The following IDE variants were observed in gnomAD, a reference collection of about 807,000 sequenced individuals.
IDE encodes the protein insulin-degrading enzyme.
Under a neutral mutation model 133.2 loss-of-function variants are expected in IDE, and 58 were observed. The ratio of observed to expected loss-of-function variants is 0.44; its 90% CI spans 0.35 to 0.54. IDE has a LOEUF of 0.54. IDE is among the 20% of genes least tolerant of loss of function. The pLI is 0.00. For synonymous variants in IDE, 396 were observed against 421.3 expected, an observed-to-expected ratio of 0.94 and a Z score of 0.73; for missense variants, 981 against 1,234.0, an observed-to-expected ratio of 0.79 and a Z score of 3.07.
chr10:92,497,242 G>C (rs1847757497), intron 11 of IDE, among the ~76,000 whole-genome samples: 1 of 152,186 alleles, frequency 6.6e-6, no homozygotes, highest in Admixed American at 6.5e-5. Flanking sequence ...GGGGAGGTGG[G>C]TGACAATGAT....
intron 12 of IDE, among the ~76,000 whole-genome samples, chr10:92,490,025 T>A (rs1178854601): frequency 6.6e-6 from 1 of 152,222 alleles, no homozygotes. Context: ...CTGAAAATCA[T>A]AATTCTCCTA....
chr10:92,540,829 T>C (rs1436307732), intron 1 of IDE, among the ~76,000 whole-genome samples: 1 of 152,204 alleles, frequency 6.6e-6, no homozygotes, highest in Admixed American at 6.5e-5. Context: ...TGTACTTTTT[T>C]TCAGGGTTTC....
chr10:92,486,986 A>G (rs1361052309), intron 13 of IDE, among the ~76,000 whole-genome samples: 1 of 152,056 alleles, frequency 6.6e-6, no homozygotes, highest in East Asian at 1.9e-4. Context: ...GATTCCCTAG[A>G]TTCTACACTG....
At chr10:92,505,667 T>C (rs1170655595) in intron 10 of IDE, among the ~76,000 whole-genome samples, 1 of 152,094 alleles carries the variant, frequency 6.6e-6, no homozygotes. Flanking sequence ...TTATTTTAGA[T>C]TGGGAGGTCA....
At chr10:92,533,411 C>G (rs1177536585) in intron 3 of IDE, among the ~76,000 whole-genome samples, 1 of 152,128 alleles carries the variant, frequency 6.6e-6, no homozygotes, top group Non-Finnish European at 1.5e-5. Flanking sequence ...CCCAGCACAT[C>G]TCATAAACCC....
intron 3 of IDE, among the ~76,000 whole-genome samples, chr10:92,532,731 T>C (rs1313775269): frequency 6.6e-6 from 1 of 152,138 alleles, no homozygotes; most frequent in Non-Finnish European, 1.5e-5. Flanking sequence ...TAGTAATTCT[T>C]AAGAAACTTT....
rs1348973532 is a variant in IDE at position 92,454,360 on chromosome 10, T to C, written c.*84A>G. 1.1e-6 allele frequency: 1 copy of C among 919,616 alleles called. No individual in the cohort carries two copies. The highest frequency in any genetic ancestry group is 1.8e-6 in the Non-Finnish European group (1 of 553,690). 57.0% of individuals were successfully genotyped at this position (919,616 alleles called of 1,614,324 possible). ...GTTTCTCTAATAGTGAATCAGAAACTATTAAAGTGGCCAAGATGATTTTCT... is the reference window on the plus strand; with the variant it reads ...GTTTCTCTAATAGTGAATCAGAAACCATTAAAGTGGCCAAGATGATTTTCT... On this transcript the variant is annotated 3_prime_UTR_variant, in exon 25 of 25. Coordinates refer to ENST00000265986, the MANE Select transcript of IDE (RefSeq NM_004969.4).
intron 1 of IDE, among the ~76,000 whole-genome samples, chr10:92,561,028 G>A (rs1843255861): frequency 6.6e-6 from 1 of 152,120 alleles, no homozygotes; most frequent in Non-Finnish European, 1.5e-5. Context: ...CAAGGTGGAT[G>A]GATCACCTGA....
At position 92,506,124 on chromosome 10, in the gene IDE, A is replaced by G. The variant is rs549681233; in HGVS notation, c.1326+318T>C. On this transcript the variant is annotated intron_variant, in intron 10 of 24. Coordinates refer to ENST00000265986, the MANE Select transcript of IDE (RefSeq NM_004969.4). ...TGATGATAGCTCAGACTAGGATGGT[A>G]GCAATGGAAATTTTAAAAAAGTAAA... is the stretch of plus-strand genomic sequence containing the variant. Among the ~76,000 whole-genome samples, 4 of 152,394 alleles carry G rather than the reference A, an allele frequency of 2.6e-5. No homozygotes were observed. In the East Asian group the frequency reaches 7.7e-4, roughly 29 times the overall value.
In IDE at chr10:92,463,898, G is replaced by A. The variant is rs1346830197; in HGVS notation, c.2594C>T (p.Ala865Val). 3.7e-6 allele frequency: 6 copies of A among 1,614,154 alleles called. No homozygotes were observed. The highest frequency in any genetic ancestry group is 4.2e-6 in the Non-Finnish European group (5 of 1,180,018). The change falls in exon 21 of 25, where the codon GCT (alanine) becomes GTT (valine). Residue 865 changes from alanine to valine, a missense_variant. Ala to Val is a moderately conservative substitution (Grantham distance 64). Around this residue, in one of 2 missense-constraint regions of IDE, gnomAD observed 660 missense variants for 894.7 expected, o/e 0.74. Coordinates refer to ENST00000265986, the MANE Select transcript of IDE (RefSeq NM_004969.4). ...PPHYLESRVE[A>V]FLITMEKSIE... ...GGACTTTTCCATGGTAATTAAGAAAGCTTCCACTCTGCTTTCTAGGTAGTG... is the reference window on the plus strand; with the variant it reads ...GGACTTTTCCATGGTAATTAAGAAAACTTCCACTCTGCTTTCTAGGTAGTG...
chr10:92,514,948 G>A lies in IDE; in HGVS notation c.756C>T (p.Asn252=), dbSNP rs139739927. Residue 252 remains asparagine, a synonymous_variant, in exon 5 of 25, where the codon AAC becomes AAT. Coordinates refer to ENST00000265986, the MANE Select transcript of IDE (RefSeq NM_004969.4). ...LKFHSAYYSS[N]LMAVCVLGRE... Reference sequence around the variant, plus strand: ...GACCTAAAACACAAACAGCCATTAAGTTGGATGAATAGTAAGCAGAATGGA... The same window carrying A: ...GACCTAAAACACAAACAGCCATTAAATTGGATGAATAGTAAGCAGAATGGA... 3.8e-5 allele frequency: 61 copies of A among 1,612,780 alleles called. 1 individual carries two copies. The African/African-American group carries it at 6.1e-4, about 16-fold the overall frequency.
In IDE at chr10:92,487,271, C is replaced by T. The variant is rs963209142; in HGVS notation, c.1581G>A (p.Lys527=). ...CAAAATTCGTAGGAATAAATTCATTCTTTGTAGGAAGTTTAAATTTCCCAT... is the reference window on the plus strand; with the variant it reads ...CAAAATTCGTAGGAATAAATTCATTTTTTGTAGGAAGTTTAAATTTCCCAT... The part of the protein sequence containing the change: ...DLNGKFKLPT[K]NEFIPTNFEI... The change falls in exon 13 of 25, where the codon AAG becomes AAA. Residue 527 remains lysine, a synonymous_variant. Coordinates refer to ENST00000265986, the MANE Select transcript of IDE (RefSeq NM_004969.4). The T allele has an allele frequency of 6.2e-7, 1 of 1,612,684 alleles. No individual in the cohort carries two copies. The highest frequency in any genetic ancestry group is 2.2e-5 in the East Asian group (1 of 44,832).
At position 92,573,932 on chromosome 10, in the gene IDE, G is replaced by T; in HGVS notation, c.88C>A (p.Arg30Ser). The change falls in exon 1 of 25, where the codon CGC becomes AGC. Residue 30 changes from arginine to serine, a missense_variant. By Grantham distance (110) the Arg-to-Ser change is moderately radical. Transcript: ENST00000265986. The part of the protein sequence containing the change: ...VLGARLPPPE[R>S]LCGFQKKTYS... ...CTCCATTCCGCTTACCCACACAGGC[G>T]CTCCGGAGGCGGCAGGCGGGCGCCG... 6.8e-7 allele frequency: 1 copy of T among 1,465,834 alleles called. No individual in the cohort carries two copies. Among genetic ancestry groups the T allele is most frequent in the Non-Finnish European group, 9.0e-7 (1 of 1,114,756 alleles). 90.8% of individuals were successfully genotyped at this position (1,465,834 alleles called of 1,614,324 possible). A position where few individuals can be genotyped will look rare whatever the true frequency, so the allele number is the denominator to read the frequency against.
intron 19 of IDE, among the ~76,000 whole-genome samples, chr10:92,468,324 A>G (rs1351239046): frequency 6.6e-6 from 1 of 152,204 alleles, no homozygotes; most frequent in Non-Finnish European, 1.5e-5. Context: ...CACAGTTTTG[A>G]GCAATATTGA....
intron 1 of IDE, among the ~76,000 whole-genome samples, chr10:92,542,456 C>G (rs1001672082): frequency 6.6e-6 from 1 of 152,070 alleles, no homozygotes; most frequent in African/African-American, 2.4e-5. Flanking sequence ...TGCCTAGTCT[C>G]TAGGTAATTT....
At chr10:92,497,070 C>T (rs932836166) in intron 11 of IDE, among the ~76,000 whole-genome samples, 4 of 152,332 alleles carry the variant, frequency 2.6e-5, no homozygotes, top group African/African-American at 9.6e-5. Context: ...GACATTTAGA[C>T]AAGAAAACCG....
chr10:92,484,756 A>G (rs1846865380), intron 13 of IDE, among the ~76,000 whole-genome samples: 2 of 151,848 alleles, frequency 1.3e-5, no homozygotes, highest in African/African-American at 4.8e-5. Flanking sequence ...AAGAAAGAAA[A>G]AAAGAAACTG....
intron 4 of IDE, among the ~76,000 whole-genome samples, chr10:92,530,251 A>T: frequency 6.6e-6 from 1 of 152,058 alleles, no homozygotes; most frequent in Non-Finnish European, 1.5e-5. Flanking sequence ...TAAATAAATA[A>T]ATAAATAACC....
At chr10:92,527,127 T>C (rs1849666529) in intron 4 of IDE, among the ~76,000 whole-genome samples, 1 of 152,176 alleles carries the variant, frequency 6.6e-6, no homozygotes, top group South Asian at 2.1e-4. Flanking sequence ...AATTCTCATA[T>C]ATTTTCTTTT....
Sources: gnomAD v4.1 joint callset for allele counts (sites outside exome capture counted in the v4.1 genomes callset) on GRCh38, gnomAD v4.1.1 for gene constraint, gnomAD v4.1.1 regional missense constraint, MANE v1.5 for transcripts, NCBI Gene and HGNC (gene_info 2026-07-23, HGNC 2026-07-21) for gene names.